The following RGL1 variants were observed in gnomAD, a reference collection of about 807,000 sequenced individuals.
The protein encoded by RGL1 is ral guanine nucleotide dissociation stimulator-like 1.
RGL1 carries 24 observed loss-of-function variants against 95.2 expected under a neutral mutation model. That is an observed-to-expected ratio of 0.25 (90% confidence interval 0.18 to 0.35). The LOEUF (loss-of-function observed/expected upper bound fraction) is 0.35, where lower values mean the gene tolerates loss of function less well. Ranked by LOEUF, RGL1 falls within the 10% of genes least tolerant of loss-of-function variation. The probability of loss-of-function intolerance (pLI) is 1.00; values close to 1 mark genes in which losing one functional copy is unlikely to be tolerated. For missense variants in RGL1, 715 were observed against 936.3 expected (o/e 0.76, Z 3.08); for synonymous variants, 329 against 344.9 (o/e 0.95, Z 0.51).
intron 1 of RGL1, among the ~76,000 whole-genome samples, chr1:183,682,630 G>C (rs1402858418): frequency 6.6e-6 from 1 of 152,150 alleles, no homozygotes; most frequent in East Asian, 1.9e-4. Context: ...GTGCTGAGAA[G>C]AATGTATATT....
At chr1:183,690,252 C>T (rs1309203402) in intron 1 of RGL1, among the ~76,000 whole-genome samples, 3 of 152,136 alleles carry the variant, frequency 2.0e-5, no homozygotes, top group Non-Finnish European at 4.4e-5. Context: ...TGCTTTGAAC[C>T]CCTGGAATTA....
At chr1:183,750,629 GA>G (rs757732184) in intron 2 of RGL1, among the ~76,000 whole-genome samples, 1 of 143,448 alleles carries the variant, frequency 7.0e-6, no homozygotes, top group Non-Finnish European at 1.6e-5. Context: ...TCTTTTGGAG[GA>G]GAAGAGGCAT....
intron 1 of RGL1, among the ~76,000 whole-genome samples, chr1:183,690,731 TAA>T (rs34672729): frequency 8.1e-4 from 120 of 148,418 alleles, no homozygotes; most frequent in East Asian, 1.6e-3. Context: ...GAGGTACTTA[TAA>T]AAAAAAAAAA....
At chr1:183,902,694 T>A (rs1668097220) in intron 12 of RGL1, 94 bp downstream of exon 12, 6 of 1,196,526 alleles carry the variant, frequency 5.0e-6, no homozygotes, top group Non-Finnish European at 6.1e-6. Flanking sequence ...CAGAAAAAAA[T>A]GAGTTAGCAC....
At chr1:183,863,393 T>A (rs1665635991) in intron 3 of RGL1, among the ~76,000 whole-genome samples, 1 of 152,062 alleles carries the variant, frequency 6.6e-6, no homozygotes, top group Non-Finnish European at 1.5e-5. Context: ...AGGCTTGAAC[T>A]CCTGGGCTCA....
intron 2 of RGL1, among the ~76,000 whole-genome samples, chr1:183,772,301 G>A (rs1659323452): frequency 6.6e-6 from 1 of 152,196 alleles, no homozygotes; most frequent in South Asian, 2.1e-4. Context: ...TTCAGGAACT[G>A]TAAACTCTGC....
chr1:183,926,218 C>G lies in RGL1; in HGVS notation c.2233C>G (p.Arg745Gly), dbSNP rs561043926. Residue 745 changes from arginine to glycine, a missense_variant, in exon 18 of 18, where the codon CGG becomes GGG. Around this residue, in one of 3 missense-constraint regions of RGL1, gnomAD observed 330 missense variants for 429.6 expected, o/e 0.77. Transcript: ENST00000360851. ...SMEEQVKLRS[R>G]TSLTLPRTAK... is the part of the protein sequence containing the mutation. ...GGAAGAACAAGTGAAACTGCGTAGCCGGACCAGCTTGACGTTGCCCAGGAC... is the reference window on the plus strand; with the variant it reads ...GGAAGAACAAGTGAAACTGCGTAGCGGGACCAGCTTGACGTTGCCCAGGAC... 5.0e-6 allele frequency: 8 copies of G among 1,613,804 alleles called. No individual in the cohort carries two copies. In the African/African-American group the frequency reaches 9.3e-5, roughly 19 times the overall value.
intron 1 of RGL1, among the ~76,000 whole-genome samples, chr1:183,713,443 G>T (rs1234993188): frequency 7.2e-6 from 1 of 138,934 alleles, no homozygotes; most frequent in South Asian, 2.2e-4. Flanking sequence ...CCAGGATAAG[G>T]GATAAATTAG....
At chr1:183,913,342 T>A (rs1668774680) in intron 15 of RGL1, among the ~76,000 whole-genome samples, 1 of 151,906 alleles carries the variant, frequency 6.6e-6, no homozygotes, top group Non-Finnish European at 1.5e-5. Context: ...ATTACAGGCA[T>A]GTGCCACCAT....
intron 16 of RGL1, among the ~76,000 whole-genome samples, chr1:183,918,256 C>T (rs957194560): frequency 6.6e-6 from 1 of 152,094 alleles, no homozygotes; most frequent in East Asian, 1.9e-4. Context: ...TGGGAGTTGT[C>T]AAACCCCACA....
chr1:183,784,597 T>G lies in RGL1; in HGVS notation c.133-21778T>G, dbSNP rs559100068. On this transcript the variant is annotated intron_variant, in intron 2 of 18. Transcript: ENST00000304685. ...TTTTAATGCCTTCTGCTTAAGGTTA[T>G]GACTGACCTTCGACGCTGGGTTTAC... is the stretch of plus-strand genomic sequence containing the variant. 2.0e-5 allele frequency among the ~76,000 whole-genome samples: 3 copies of G among 152,320 alleles called. No homozygotes were observed. The East Asian group carries it at 5.8e-4, about 29-fold the overall frequency.
intron 4 of RGL1, among the ~76,000 whole-genome samples, chr1:183,874,034 T>C (rs1464247429): frequency 1.6e-4 from 25 of 152,218 alleles, no homozygotes; most frequent in Admixed American, 1.6e-3. Context: ...CTGTGGGGAA[T>C]GAGTTATTGA....
intron 1 of RGL1, among the ~76,000 whole-genome samples, chr1:183,657,536 C>A (rs1439287092): frequency 6.6e-6 from 1 of 151,930 alleles, no homozygotes; most frequent in Non-Finnish European, 1.5e-5. Context: ...TGAGAACATG[C>A]AGTGTTTGGT....
At chr1:183,734,391 T>C (rs1007251186) in intron 1 of RGL1, among the ~76,000 whole-genome samples, 12 of 152,204 alleles carry the variant, frequency 7.9e-5, no homozygotes, top group African/African-American at 2.7e-4. Flanking sequence ...GCTTATTCCA[T>C]AATCTCTCTT....
chr1:183,641,560 C>A (rs555352198), intron 1 of RGL1, among the ~76,000 whole-genome samples: 2 of 152,180 alleles, frequency 1.3e-5, no homozygotes, highest in Admixed American at 6.5e-5. Context: ...ATGAGCCCCC[C>A]CCACCATACC....
chr1:183,687,120 C>G (rs1653638060), intron 1 of RGL1, among the ~76,000 whole-genome samples: 2 of 152,210 alleles, frequency 1.3e-5, no homozygotes, highest in South Asian at 4.1e-4. Context: ...TCCCCTCTGT[C>G]TGTCATCACC....
At chr1:183,917,908 T>A (rs779818046) in intron 16 of RGL1, among the ~76,000 whole-genome samples, 9 of 152,156 alleles carry the variant, frequency 5.9e-5, no homozygotes, top group Non-Finnish European at 1.2e-4. Context: ...CGGGGTAGAC[T>A]GGAGGCGGGG....
intron 1 of RGL1, among the ~76,000 whole-genome samples, chr1:183,656,323 G>A (rs1002088542): frequency 6.6e-6 from 1 of 152,180 alleles, no homozygotes; most frequent in Non-Finnish European, 1.5e-5. Context: ...TGTCAAAATT[G>A]AGAGGTTGAC....
intron 1 of RGL1, among the ~76,000 whole-genome samples, chr1:183,676,794 G>A (rs556001223): frequency 2.0e-5 from 3 of 147,986 alleles, no homozygotes; most frequent in African/African-American, 7.4e-5. Context: ...CAGATAAGCT[G>A]AAGAGTAACC....
Sources: allele counts gnomAD v4.1 joint callset (sites outside exome capture counted in the v4.1 genomes callset), GRCh38; gene constraint gnomAD v4.1.1; regional missense constraint gnomAD v4.1.1; transcripts MANE v1.5; gene names NCBI Gene and HGNC (gene_info 2026-07-23, HGNC 2026-07-21).